The following ZFHX3 variants were observed in gnomAD, a reference collection of about 807,000 sequenced individuals.
The protein encoded by ZFHX3 is zinc finger homeobox protein 3.
ZFHX3 carries 42 observed loss-of-function variants against 279.1 expected under a neutral mutation model. The ratio of observed to expected loss-of-function variants is 0.15; its 90% CI spans 0.12 to 0.19. The LOEUF is 0.19. ZFHX3 is among the 10% of genes least tolerant of loss of function. The probability of loss-of-function intolerance (pLI) is 1.00; values close to 1 mark genes in which losing one functional copy is unlikely to be tolerated. For missense variants in ZFHX3, 4,981 were observed against 4,754.0 expected, an observed-to-expected ratio of 1.05 and a Z score of -1.40; for synonymous variants, 2,293 against 1,957.8, an observed-to-expected ratio of 1.17 and a Z score of -4.52.
intron 5 of ZFHX3, among the ~76,000 whole-genome samples, chr16:73,219,375 T>C (rs2012329587): frequency 6.6e-6 from 1 of 152,190 alleles, no homozygotes; most frequent in African/African-American, 2.4e-5. Flanking sequence ...CCCATGCTGC[T>C]TGATGAGAGT....
At chr16:72,912,462 A>G (rs1031122334) in intron 3 of ZFHX3, among the ~76,000 whole-genome samples, 2 of 152,214 alleles carry the variant, frequency 1.3e-5, no homozygotes, top group Admixed American at 1.3e-4. Flanking sequence ...GAGCCAAAAT[A>G]CATCTGAAAA....
In ZFHX3 at chr16:72,794,947, G is replaced by T. The variant is rs142353083; in HGVS notation, c.7735C>A (p.Pro2579Thr). 2.5e-6 allele frequency: 4 copies of T among 1,613,990 alleles called. No homozygotes were observed. The African/African-American group carries it at 5.3e-5, about 22-fold the overall frequency. Residue 2579 changes from proline to threonine, a missense_variant, in exon 9 of 10, where the codon CCC becomes ACC. Physicochemically the swap from Pro to Thr is conservative, Grantham distance 38 (BLOSUM62 -1). Transcript: ENST00000268489. This position sits in a 1 kb window ranked among gnomAD's most constrained non-coding sequence, Gnocchi z 4.2. ...TGGCTGGCCAGGAGTGGGTTACTGG[G>T]ATCAAAGAGCATGAAAGGCATATCC... ...SLDMPFMLFD[P>T]SNPLLASQLL... is the part of the protein sequence containing the mutation.
intron 3 of ZFHX3, among the ~76,000 whole-genome samples, chr16:72,939,615 C>A (rs1039956841): frequency 1.3e-5 from 2 of 152,232 alleles, no homozygotes; most frequent in Non-Finnish European, 2.9e-5. Context: ...AGGCTGGGTG[C>A]AGTGGCTCAG....
chr16:73,661,718 T>A (rs1446016854), intron 2 of ZFHX3, among the ~76,000 whole-genome samples: 2 of 121,978 alleles, frequency 1.6e-5, no homozygotes, highest in African/African-American at 6.5e-5. Context: ...CAAGACTCCA[T>A]CTCAGAAAAA....
intron 4 of ZFHX3, among the ~76,000 whole-genome samples, chr16:73,287,840 G>T (rs112435609): frequency 1.4e-5 from 1 of 69,538 alleles, no homozygotes; most frequent in African/African-American, 7.2e-5. Context: ...GTGTGGGTTG[G>T]TGAGTGGCTG....
chr16:73,325,451 T>C (rs550019757), intron 3 of ZFHX3, among the ~76,000 whole-genome samples: 1 of 152,188 alleles, frequency 6.6e-6, no homozygotes, highest in African/African-American at 2.4e-5. Context: ...GTCTGGTGAC[T>C]CTGCCTGGGG....
intron 8 of ZFHX3, among the ~76,000 whole-genome samples, chr16:73,067,721 G>A (rs1965773115): frequency 6.6e-6 from 1 of 152,188 alleles, no homozygotes; most frequent in African/African-American, 2.4e-5. Flanking sequence ...CCTGCAGCTT[G>A]GCACAGATAA....
At chr16:73,813,191 C>T (rs996889206) in intron 1 of ZFHX3, among the ~76,000 whole-genome samples, 1 of 152,002 alleles carries the variant, frequency 6.6e-6, no homozygotes, top group Admixed American at 6.6e-5. Context: ...TCTCTCTCCT[C>T]ATCCCCTGCC....
intron 1 of ZFHX3, among the ~76,000 whole-genome samples, chr16:73,701,634 G>C (rs1013545481): frequency 6.6e-6 from 1 of 152,068 alleles, no homozygotes; most frequent in African/African-American, 2.4e-5. Context: ...TTGAGAAAAC[G>C]ATAAATCACT....
At chr16:73,571,141 T>C (rs1246135721) in intron 2 of ZFHX3, among the ~76,000 whole-genome samples, 1 of 152,150 alleles carries the variant, frequency 6.6e-6, no homozygotes, top group Admixed American at 6.5e-5. Context: ...TTTTGTATTA[T>C]AATTTAGGCT....
At chr16:73,765,582 G>A (rs1176505461) in intron 1 of ZFHX3, among the ~76,000 whole-genome samples, 3 of 152,134 alleles carry the variant, frequency 2.0e-5, no homozygotes, top group Non-Finnish European at 4.4e-5. Context: ...AGGACACCTG[G>A]GACTTGAGTC....
At position 73,889,601 on chromosome 16, in the gene ZFHX3, A is replaced by C. The variant is rs577391373; in HGVS notation, c.-1608+2050T>G. On this transcript the variant is annotated intron_variant, in intron 1 of 17. Transcript: ENST00000641206. Reference sequence around the variant, plus strand: ...TCAAAGAGGGGCAATAATGAACCGCATTGTTTTAAGTATCATCCAAAGGAG... The same window carrying C: ...TCAAAGAGGGGCAATAATGAACCGCCTTGTTTTAAGTATCATCCAAAGGAG... Among the ~76,000 whole-genome samples the C allele has an allele frequency of 7.2e-4, 109 of 152,326 alleles. 1 individual carries two copies. The highest frequency in any genetic ancestry group is 2.6e-3 in the African/African-American group (109 of 41,586).
At chr16:72,952,647 C>T (rs1268487386) in intron 2 of ZFHX3, among the ~76,000 whole-genome samples, 1 of 152,228 alleles carries the variant, frequency 6.6e-6, no homozygotes, top group Non-Finnish European at 1.5e-5. Flanking sequence ...ACACGAGGCT[C>T]AGCTCCACGT....
intron 3 of ZFHX3, among the ~76,000 whole-genome samples, chr16:73,323,715 A>G (rs1381268832): frequency 6.6e-6 from 1 of 152,194 alleles, no homozygotes; most frequent in Non-Finnish European, 1.5e-5. Context: ...CTAGAAAGTC[A>G]GGAAAAGGGA....
intron 4 of ZFHX3, among the ~76,000 whole-genome samples, chr16:73,290,725 T>C (rs1346319945): frequency 6.6e-6 from 1 of 152,146 alleles, no homozygotes; most frequent in Non-Finnish European, 1.5e-5. Context: ...TGGGTTTCAG[T>C]GTAGATAGAG....
chr16:72,859,624 C>A (rs2037833655), intron 4 of ZFHX3, among the ~76,000 whole-genome samples: 2 of 152,174 alleles, frequency 1.3e-5, no homozygotes, highest in African/African-American at 2.4e-5. Context: ...TAAATTAGAA[C>A]AGAAGAAACC....
At chr16:73,296,909 C>G (rs1215474073) in intron 4 of ZFHX3, among the ~76,000 whole-genome samples, 1 of 78,756 alleles carries the variant, frequency 1.3e-5, no homozygotes. Context: ...GACGGAGTCT[C>G]TTTCTGTCAC....
intron 2 of ZFHX3, among the ~76,000 whole-genome samples, chr16:73,472,350 G>A (rs1439322533): frequency 6.6e-6 from 1 of 151,668 alleles, no homozygotes; most frequent in Non-Finnish European, 1.5e-5. Context: ...GGCACGATGT[G>A]AAGTCACACT....
chr16:73,369,927 G>T (rs1354154233), intron 3 of ZFHX3, among the ~76,000 whole-genome samples: 1 of 152,098 alleles, frequency 6.6e-6, no homozygotes, highest in African/African-American at 2.4e-5. Flanking sequence ...CTATGAAATT[G>T]TTTCAATATA....
Sources: gnomAD v4.1 joint callset for allele counts (sites outside exome capture counted in the v4.1 genomes callset) on GRCh38, gnomAD v4.1.1 for gene constraint, Gnocchi (gnomAD v3.1) non-coding constraint, MANE v1.5 for transcripts, NCBI Gene and HGNC (gene_info 2026-07-23, HGNC 2026-07-21) for gene names.